Variants in SLC7A10 observed in about 807,000 individuals in gnomAD.
SLC7A10 encodes the protein asc-type amino acid transporter 1.
In SLC7A10, 30 loss-of-function variants were observed where a neutral mutation model predicts 52.7. That is an observed-to-expected ratio of 0.57 (90% CI 0.43 to 0.77). The LOEUF (loss-of-function observed/expected upper bound fraction) is 0.77, where lower values mean the gene tolerates loss of function less well. Among genes scored for constraint, SLC7A10 ranks in the 30% least tolerant of loss-of-function variants. The pLI is 0.00. For synonymous variants in SLC7A10, 318 were observed against 314.9 expected (o/e 1.01, Z -0.10); for missense variants, 581 against 698.5 (o/e 0.83, Z 1.90).
intron 1 of SLC7A10, among the ~76,000 whole-genome samples, chr19:33,216,266 C>A (rs1974680907): frequency 6.6e-6 from 1 of 152,212 alleles, no homozygotes. Context: ...TCTCAGCCCT[C>A]CATTGCCCCC....
chr19:33,212,468 T>C, intron 4 of SLC7A10, 23 bp from the exon 5 acceptor site: 1 of 1,613,634 alleles, frequency 6.2e-7, no homozygotes, highest in South Asian at 1.1e-5. Context: ...AAGTCGGGGG[T>C]CAGCACCATC....
In SLC7A10 at chr19:33,210,572, C is replaced by T. The variant is rs150600610; in HGVS notation, c.1158G>A (p.Thr386=). The part of the protein sequence containing the change: ...AVIMLVGDTY[T]LINYVSFINY... The stretch of plus-strand genomic sequence containing the variant: ...TGATGAAGGACACATAGTTGATGAG[C>T]GTGTACGTGTCGCCCACGAGCATGA... Residue 386 remains threonine, a synonymous_variant, in exon 9 of 11, where the codon ACG becomes ACA. Transcript: ENST00000253188. The surrounding 1 kb of genome is among the most constrained non-coding windows in gnomAD (Gnocchi z 5.6). 25,604 of 1,612,044 alleles carry T rather than the reference C, an allele frequency of 0.016. 288 individuals are homozygous for T. The highest frequency in any genetic ancestry group is 0.019 in the Non-Finnish European group (22,173 of 1,179,958).
intron 1 of SLC7A10, among the ~76,000 whole-genome samples, chr19:33,223,855 TG>T (rs1433265647): frequency 6.6e-6 from 1 of 152,046 alleles, no homozygotes; most frequent in East Asian, 1.9e-4. Flanking sequence ...AGACCTGGGC[TG>T]CATGGGAAAC....
At position 33,210,230 on chromosome 19, in the gene SLC7A10, C is replaced by A. The variant is rs1049013913; in HGVS notation, c.1263+237G>T. 6.6e-6 allele frequency among the ~76,000 whole-genome samples: 1 copy of A among 152,200 alleles called. No homozygotes were observed. Among genetic ancestry groups the A allele is most frequent in the African/African-American group, 2.4e-5 (1 of 41,454 alleles). ...CCCAAAGTGCTGGAATAGGCATGAG[C>A]CCCTGTGCCCAGTCCTGAGCCTCAT... On this transcript the variant is annotated intron_variant, in intron 9 of 10. Transcript: ENST00000253188. The surrounding 1 kb of genome is among the most constrained non-coding windows in gnomAD (Gnocchi z 5.6).
In SLC7A10 at chr19:33,211,719, C is replaced by G. The variant is rs544611934; in HGVS notation, c.789-182G>C. 2.6e-6 allele frequency: 3 copies of G among 1,138,566 alleles called. No homozygotes were observed. The South Asian group carries it at 4.3e-5, about 16-fold the overall frequency. The allele number at this position is 1,138,566 out of a possible 1,614,324, so 70.5% of individuals were successfully genotyped here. ...CCTGTTGTCTGCCCTGCCCCACCCC[C>G]ACCTGGACACAGGCTGGTAGGATGG... On this transcript the variant is annotated intron_variant, in intron 5 of 10. Transcript: ENST00000253188.
intron 2 of SLC7A10, among the ~76,000 whole-genome samples, chr19:33,214,066 CT>C (rs1974617015): frequency 6.6e-6 from 1 of 152,170 alleles, no homozygotes; most frequent in Non-Finnish European, 1.5e-5. Flanking sequence ...CAGGCATCCC[CT>C]CTGCCCATCC....
At chr19:33,218,507 C>T (rs958967042) in intron 1 of SLC7A10, among the ~76,000 whole-genome samples, 5 of 151,648 alleles carry the variant, frequency 3.3e-5, no homozygotes, top group African/African-American at 1.2e-4. Flanking sequence ...ACTCCGCACA[C>T]TGGCTGCTCC....
In SLC7A10 at chr19:33,225,553, C is replaced by T. The variant is rs1568398177; in HGVS notation, c.151G>A (p.Gly51Arg). 1.9e-6 allele frequency: 3 copies of T among 1,596,516 alleles called. No individual in the cohort carries two copies. Among genetic ancestry groups the T allele is most frequent in the Non-Finnish European group, 2.5e-6 (3 of 1,179,238 alleles). Residue 51 changes from glycine (G) to arginine (R), a missense_variant and splice_region_variant, in exon 1 of 11, where the codon GGG becomes AGG. Coordinates refer to ENST00000253188, the MANE Select transcript of SLC7A10 (RefSeq NM_019849.3). ...GCCCGCCCGCCTGGGTCCCGCTCAC[C>T]GATGATGATGGTGCAGGCGCTCAGC... ...GLLSACTIII[G>R]NIIGSGIFIS...
At chr19:33,218,024 G>C (rs1290132116) in intron 1 of SLC7A10, 1 of 152,246 alleles carries the variant, frequency 6.6e-6, no homozygotes, top group African/African-American at 2.4e-5. Flanking sequence ...CCGGCAGCAG[G>C]GCCTCTGTTC....
Position 33,213,077 on chromosome 19 carries a change from G to T in SLC7A10, c.357-75C>A, listed in dbSNP as rs1974593533. ...GGCCAACCTGGCCCTGATGTGTGCA[G>T]CAGGGCTGCCCTGGGCCTGGCGCCC... On this transcript the variant is annotated intron_variant, in intron 2 of 10. Coordinates refer to ENST00000253188, the MANE Select transcript of SLC7A10 (RefSeq NM_019849.3). The T allele has an allele frequency of 1.9e-6, 3 of 1,541,776 alleles. No homozygotes were observed. The Admixed American group carries it at 5.9e-5, about 30-fold the overall frequency.
Position 33,211,228 on chromosome 19 carries a change from G to T in SLC7A10, c.1013C>A (p.Ser338Tyr). 6.2e-7 allele frequency: 1 copy of T among 1,612,184 alleles called. No homozygotes were observed. Among genetic ancestry groups the T allele is most frequent in the South Asian group, 1.1e-5 (1 of 91,046 alleles). ...CACGTCTCCCCAGTGCAGTCACCTGGAGTAGGTGAACAGGTAACCATTGAT... is the reference window on the plus strand; with the variant it reads ...CACGTCTCCCCAGTGCAGTCACCTGTAGTAGGTGAACAGGTAACCATTGAT... ...GGINGYLFTY[S>Y]RLCFSGAREG... The change falls in exon 7 of 11, where the codon TCC becomes TAC. Residue 338 changes from serine (S) to tyrosine (Y), a missense_variant. Physicochemically the swap from Ser to Tyr is moderately radical, Grantham distance 144. Coordinates refer to ENST00000253188, the MANE Select transcript of SLC7A10 (RefSeq NM_019849.3).
intron 1 of SLC7A10, among the ~76,000 whole-genome samples, chr19:33,218,832 G>A (rs549012797): frequency 1.3e-5 from 2 of 151,004 alleles, no homozygotes; most frequent in South Asian, 4.2e-4. Context: ...TAGTGGAGCT[G>A]GAAGGGGGCT....
In SLC7A10 at chr19:33,212,126, T is replaced by C. The variant is rs556542594; in HGVS notation, c.788+166A>G. 6.1e-5 allele frequency: 59 copies of C among 961,818 alleles called. No individual in the cohort carries two copies. In the African/African-American group the frequency reaches 9.3e-4, roughly 15 times the overall value. 59.6% of individuals were successfully genotyped at this position (961,818 alleles called of 1,614,324 possible). A position where few individuals can be genotyped will look rare whatever the true frequency, so the allele number is the denominator to read the frequency against. ...CAGAGAGAACAGGGCCAGGCTAGAA[T>C]GCAAGCCCCCCGGCTTTCTTCCCAG... is the stretch of plus-strand genomic sequence containing the variant. On this transcript the variant is annotated intron_variant, in intron 5 of 10. Transcript: ENST00000253188.
At chr19:33,215,647 T>TCCACCCAGCCCCCACACCTTCTCC in intron 2 of SLC7A10, 122 bp downstream of exon 2, 1 of 640,376 alleles carries the variant, frequency 1.6e-6, no homozygotes. Flanking sequence ...ACACCTTCTC[T>TCCACCCAGCCCCCACACCTTCTCC]CCATCCACCC....
rs754308495 is a variant in SLC7A10, at chr19:33,212,926, A to C, written c.433T>G (p.Tyr145Asp). ...LAVISMTFSN[Y>D]VLQPVFPNCI... is the part of the protein sequence containing the mutation. ...TTGGGGAACACGGGCTGCAGCACGT[A>C]GTTGGAGAAGGTCATGGAGATGACA... The change falls in exon 3 of 11, where the codon TAC (tyrosine) becomes GAC (aspartate). Residue 145 changes from tyrosine to aspartate, a missense_variant. Coordinates refer to ENST00000253188, the MANE Select transcript of SLC7A10 (RefSeq NM_019849.3). The C allele has an allele frequency of 1.2e-6, 2 of 1,614,172 alleles. No individual in the cohort carries two copies. Among genetic ancestry groups the C allele is most frequent in the Non-Finnish European group, 1.7e-6 (2 of 1,180,020 alleles).
At chr19:33,216,027 G>A (rs1001005433) in intron 1 of SLC7A10, 54 bp from the exon 2 acceptor site, 1 of 1,456,900 alleles carries the variant, frequency 6.9e-7, no homozygotes, top group Non-Finnish European at 9.2e-7. Context: ...TCGCAGCCCG[G>A]CCTTCTGTGT....
chr19:33,211,688 A>G, intron 5 of SLC7A10, 151 bp from the exon 6 acceptor site: 1 of 1,455,508 alleles, frequency 6.9e-7, no homozygotes, highest in Non-Finnish European at 9.3e-7. Flanking sequence ...CCCGAGACAC[A>G]GGGACCCTGT....
rs369898391 is a variant in SLC7A10 at position 33,212,654 on chromosome 19, C to T, written c.509-15G>A. ...TGTCAGGAGCACTGCGGAGGGAAGG[C>T]GGGGGTGGGCGCCGAGGCCGGGACC... is the stretch of plus-strand genomic sequence containing the variant. On this transcript the variant is annotated splice_polypyrimidine_tract_variant and intron_variant, in intron 3 of 10. Transcript: ENST00000253188. 2.8e-5 allele frequency: 45 copies of T among 1,613,322 alleles called. No homozygotes were observed. Among genetic ancestry groups the T allele is most frequent in the South Asian group, 7.7e-5 (7 of 91,072 alleles).
At chr19:33,223,969 A>G (rs1359688281) in intron 1 of SLC7A10, among the ~76,000 whole-genome samples, 1 of 144,498 alleles carries the variant, frequency 6.9e-6, no homozygotes. Flanking sequence ...CACCACCACC[A>G]CCACCACCAC....
Sources: allele counts gnomAD v4.1 joint callset (sites outside exome capture counted in the v4.1 genomes callset), GRCh38; gene constraint gnomAD v4.1.1; non-coding constraint Gnocchi (gnomAD v3.1); transcripts MANE v1.5; gene names NCBI Gene and HGNC (gene_info 2026-07-23, HGNC 2026-07-21).